The following PFKFB1 variants were observed in gnomAD, a reference collection of about 807,000 sequenced individuals.
PFKFB1 encodes 6-phosphofructo-2-kinase/fructose-2,6-bisphosphatase 1.
A neutral mutation model predicts 46.4 loss-of-function variants in PFKFB1; 34 were observed. That is an observed-to-expected ratio of 0.73 (90% CI 0.56 to 0.98). PFKFB1 has a LOEUF of 0.98. Ranked by LOEUF, PFKFB1 falls within the 50% of genes least tolerant of loss-of-function variation. PFKFB1 has a pLI of 0.00. For synonymous variants in PFKFB1, 119 were observed against 133.8 expected, an observed-to-expected ratio of 0.89 and a Z score of 0.76; for missense variants, 393 against 376.3, an observed-to-expected ratio of 1.04 and a Z score of -0.37.
At chrX:54,961,730 T>G (rs7055550) in intron 2 of PFKFB1, among the ~76,000 whole-genome samples, 5,155 of 111,501 alleles carry the variant, frequency 0.046, 320 homozygotes, top group African/African-American at 0.16. Context: ...AAGACAATAT[T>G]AAGCCACGGA....
At chrX:54,942,446 G>A (rs1933672299) in intron 10 of PFKFB1, among the ~76,000 whole-genome samples, 1 of 111,813 alleles carries the variant, frequency 8.9e-6, no homozygotes, top group African/African-American at 3.3e-5. Context: ...GTGGGCTGGT[G>A]ATTCAGAGCT....
At chrX:54,955,542 C>A (rs1456615823) in intron 7 of PFKFB1, among the ~76,000 whole-genome samples, 2 of 110,562 alleles carry the variant, frequency 1.8e-5, no homozygotes, top group Non-Finnish European at 3.8e-5. Flanking sequence ...GAGGATAGAA[C>A]CCACCTCTTT....
intron 7 of PFKFB1, among the ~76,000 whole-genome samples, chrX:54,955,726 A>G (rs1007669430): frequency 1.8e-5 from 2 of 111,957 alleles, no homozygotes; most frequent in Admixed American, 9.5e-5. Flanking sequence ...TCAACTCTCT[A>G]AGACTCAATT....
intron 2 of PFKFB1, 21 bp from the exon 3 acceptor site, chrX:54,960,938 T>G: frequency 9.2e-7 from 1 of 1,083,426 alleles, no homozygotes; most frequent in South Asian, 1.9e-5. Flanking sequence ...GGAGTGCCAG[T>G]GAAGAGGTTG....
chrX:54,941,302 A>G (rs1273107344), intron 10 of PFKFB1, among the ~76,000 whole-genome samples: 1 of 112,164 alleles, frequency 8.9e-6, no homozygotes, highest in Non-Finnish European at 1.9e-5. Context: ...AAGAAAACCT[A>G]GGCATTACCA....
intron 1 of PFKFB1, among the ~76,000 whole-genome samples, chrX:54,973,152 C>T (rs761613820): frequency 7.2e-5 from 8 of 111,268 alleles, no homozygotes; most frequent in African/African-American, 1.3e-4. Context: ...TATTCTCTGA[C>T]GGTAGTTTGT....
At chrX:54,973,500 A>G (rs931365813) in intron 1 of PFKFB1, among the ~76,000 whole-genome samples, 6 of 109,214 alleles carry the variant, frequency 5.5e-5, no homozygotes, top group African/African-American at 2.0e-4. Context: ...TTCCCTCTAC[A>G]CACTGCTTTG....
chrX:54,983,566 C>G (rs1041758178), intron 1 of PFKFB1, among the ~76,000 whole-genome samples: 1 of 112,156 alleles, frequency 8.9e-6, no homozygotes, highest in Non-Finnish European at 1.9e-5. Flanking sequence ...TCCAGTCTAT[C>G]ACTGATGGAC....
At chrX:54,939,785 T>C (rs916049989) in intron 10 of PFKFB1, among the ~76,000 whole-genome samples, 1 of 111,895 alleles carries the variant, frequency 8.9e-6, no homozygotes, top group African/African-American at 3.3e-5. Flanking sequence ...CAGGACCAGA[T>C]GGATTCACAG....
intron 4 of PFKFB1, among the ~76,000 whole-genome samples, chrX:54,959,346 A>AC (rs1934244805): frequency 9.0e-6 from 1 of 111,280 alleles, no homozygotes; most frequent in Non-Finnish European, 1.9e-5. Context: ...CAATTCCCTA[A>AC]CCTCAGCACC....
At chrX:54,956,422 T>C (rs1041526641) in intron 6 of PFKFB1, 148 bp from the exon 7 acceptor site, 5 of 686,966 alleles carry the variant, frequency 7.3e-6, no homozygotes, top group Non-Finnish European at 1.1e-5. Flanking sequence ...TGCCCAAGTT[T>C]ACAAAAATCA....
chrX:54,935,346 C>T (rs1933352668), intron 11 of PFKFB1, among the ~76,000 whole-genome samples: 1 of 111,537 alleles, frequency 9.0e-6, no homozygotes, highest in Admixed American at 9.4e-5. Flanking sequence ...AGCCTGGGGC[C>T]TTCAGCAGAC....
At chrX:54,968,505 A>G (rs1470933048) in intron 1 of PFKFB1, among the ~76,000 whole-genome samples, 1 of 111,371 alleles carries the variant, frequency 9.0e-6, no homozygotes, top group Non-Finnish European at 1.9e-5. Context: ...TTTTGGACTA[A>G]AAATATAATA....
chrX:54,989,454 G>T (rs1569547381), intron 1 of PFKFB1, among the ~76,000 whole-genome samples: 2 of 111,511 alleles, frequency 1.8e-5, no homozygotes, highest in Non-Finnish European at 3.8e-5. Flanking sequence ...AAATTTGTTT[G>T]TAACTACGAA....
intron 1 of PFKFB1, among the ~76,000 whole-genome samples, chrX:54,974,019 A>G (rs1934763681): frequency 1.8e-5 from 2 of 111,596 alleles, no homozygotes; most frequent in African/African-American, 6.5e-5. Flanking sequence ...GGAATACTCA[A>G]TATGGTAAAG....
At chrX:54,979,858 T>C (rs1477039922) in intron 1 of PFKFB1, among the ~76,000 whole-genome samples, 1 of 111,740 alleles carries the variant, frequency 8.9e-6, no homozygotes, top group African/African-American at 3.3e-5. Flanking sequence ...AGACTGGCCG[T>C]CCATTTTGTT....
chrX:54,985,457 C>T (rs1370700904), intron 1 of PFKFB1, among the ~76,000 whole-genome samples: 1 of 111,211 alleles, frequency 9.0e-6, no homozygotes, highest in African/African-American at 3.3e-5. Flanking sequence ...TACCTGCAAG[C>T]CAAAAACTAT....
At chrX:54,936,380 G>A (rs190312719) in intron 11 of PFKFB1, among the ~76,000 whole-genome samples, 13 of 104,392 alleles carry the variant, frequency 1.2e-4, no homozygotes, top group Admixed American at 2.0e-4. Flanking sequence ...GGGGTGGGTG[G>A]GGGGGTGAGA....
chrX:54,981,585 C>G (rs778632938), intron 1 of PFKFB1, among the ~76,000 whole-genome samples: 50 of 111,229 alleles, frequency 4.5e-4, no homozygotes, highest in African/African-American at 1.6e-3. Context: ...TGGAATGTAC[C>G]TCAGACAGAA....
Sources: allele counts gnomAD v4.1 joint callset (sites outside exome capture counted in the v4.1 genomes callset), GRCh38; gene constraint gnomAD v4.1.1; transcripts MANE v1.5; gene names NCBI Gene and HGNC (gene_info 2026-07-23, HGNC 2026-07-21).